The following SLC12A2 variants were observed in gnomAD, a reference collection of about 807,000 sequenced individuals.
SLC12A2 encodes solute carrier family 12 member 2.
SLC12A2 carries 67 observed loss-of-function variants against 136.3 expected under a neutral mutation model. That is an observed-to-expected ratio of 0.49 (90% CI 0.40 to 0.60). The LOEUF (loss-of-function observed/expected upper bound fraction) is 0.60. SLC12A2 is among the 20% of genes least tolerant of loss of function. SLC12A2 has a pLI of 0.00. For synonymous variants in SLC12A2, 619 were observed against 562.9 expected, an observed-to-expected ratio of 1.10 and a Z score of -1.41; for missense variants, 1,322 against 1,534.7, an observed-to-expected ratio of 0.86 and a Z score of 2.32.
Position 128,181,002 on chromosome 5 carries a change from T to C in SLC12A2, c.3212+8T>C. 6.7e-7 allele frequency: 1 copy of C among 1,485,060 alleles called. No homozygotes were observed. The highest frequency in any genetic ancestry group is 9.4e-7 in the Non-Finnish European group (1 of 1,063,398). 92.0% of individuals were successfully genotyped at this position (1,485,060 alleles called of 1,614,324 possible). A position where few individuals can be genotyped will look rare whatever the true frequency, so the allele number is the denominator to read the frequency against. On this transcript the variant is annotated splice_region_variant and intron_variant, in intron 23 of 26. Coordinates refer to ENST00000262461, the MANE Select transcript of SLC12A2 (RefSeq NM_001046.3). ...AGACCATGACCGGAGAGCGTAAGTT[T>C]ATTTCACATTGAAGGGCATGAATCT...
At chr5:128,163,460 C>T (rs1763107201) in intron 17 of SLC12A2, among the ~76,000 whole-genome samples, 1 of 151,980 alleles carries the variant, frequency 6.6e-6, no homozygotes. Context: ...ACCCCTGAGG[C>T]AGAGGTTGCA....
chr5:128,160,756 G>A (rs1359302047), intron 16 of SLC12A2, among the ~76,000 whole-genome samples: 1 of 151,974 alleles, frequency 6.6e-6, no homozygotes, highest in Non-Finnish European at 1.5e-5. Context: ...ATCTTGTCTT[G>A]ATTCTAGAAG....
chr5:128,092,274 A>G (rs1483612956), intron 1 of SLC12A2, among the ~76,000 whole-genome samples: 5 of 152,218 alleles, frequency 3.3e-5, no homozygotes, highest in African/African-American at 9.6e-5. Flanking sequence ...GTAAAAGCCC[A>G]TTATCATCTT....
chr5:128,104,557 G>A lies in SLC12A2; in HGVS notation c.757-8257G>A, dbSNP rs544015556. 3.9e-5 allele frequency among the ~76,000 whole-genome samples: 6 copies of A among 151,920 alleles called. No individual in the cohort carries two copies. The East Asian group carries it at 9.7e-4, about 24-fold the overall frequency. On this transcript the variant is annotated intron_variant, in intron 1 of 26. Transcript: ENST00000262461. ...TGAGGCAGGAGAATCACTTGAACCC[G>A]GGAGGCAGAGGTTGCAGTGAGCCCA...
At chr5:128,108,920 T>A (rs555931678) in intron 1 of SLC12A2, among the ~76,000 whole-genome samples, 1 of 152,222 alleles carries the variant, frequency 6.6e-6, no homozygotes, top group Non-Finnish European at 1.5e-5. Context: ...AGTAAAATAA[T>A]CATTGGTTGA....
Position 128,139,610 on chromosome 5 carries a change from T to A in SLC12A2, c.1621+702T>A, listed in dbSNP as rs556022143. Among the ~76,000 whole-genome samples the A allele has an allele frequency of 3.9e-5, 6 of 152,338 alleles. 1 individual carries two copies. The South Asian group carries it at 1.2e-3, about 32-fold the overall frequency. The stretch of plus-strand genomic sequence containing the variant: ...CATTTGTTTTAGAGAATTGTTTTCA[T>A]GGCAAAGAAGGTTTTTTTGTTGTTT... On this transcript the variant is annotated intron_variant, in intron 9 of 26. Transcript: ENST00000262461.
chr5:128,090,861 CAG>C (rs904246873), intron 1 of SLC12A2, among the ~76,000 whole-genome samples: 41 of 152,224 alleles, frequency 2.7e-4, no homozygotes, highest in African/African-American at 9.6e-4. Context: ...GTGATAAAGT[CAG>C]GGGGTAGTGA....
chr5:128,087,436 G>C (rs188675140), intron 1 of SLC12A2, among the ~76,000 whole-genome samples: 3 of 152,272 alleles, frequency 2.0e-5, no homozygotes, highest in East Asian at 3.9e-4. Context: ...AGATAGAATA[G>C]GACCTAATTT....
chr5:128,098,836 G>A (rs1581056097), intron 1 of SLC12A2, among the ~76,000 whole-genome samples: 1 of 152,118 alleles, frequency 6.6e-6, no homozygotes, highest in East Asian at 1.9e-4. Context: ...AGATTCGGGG[G>A]CTTACCCTTG....
At chr5:128,085,304 C>G (rs925415309) in intron 1 of SLC12A2, among the ~76,000 whole-genome samples, 15 of 149,510 alleles carry the variant, frequency 1.0e-4, no homozygotes, top group African/African-American at 3.7e-4. Context: ...TGGCATAACT[C>G]TTTTTTTTTG....
chr5:128,088,938 G>A (rs773252812), intron 1 of SLC12A2, among the ~76,000 whole-genome samples: 1 of 152,118 alleles, frequency 6.6e-6, no homozygotes, highest in Non-Finnish European at 1.5e-5. Context: ...GGAGGCCGAG[G>A]CGGGTGGATC....
At chr5:128,151,478 C>A in intron 14 of SLC12A2, 82 bp downstream of exon 14, 1 of 1,237,376 alleles carries the variant, frequency 8.1e-7, no homozygotes, top group East Asian at 2.5e-5. Flanking sequence ...TGTTATTTTT[C>A]ATTTTAAGCA....
chr5:128,114,101 A>G (rs142231691), intron 2 of SLC12A2, 111 bp from the exon 3 acceptor site: 21 of 768,012 alleles, frequency 2.7e-5, no homozygotes, highest in African/African-American at 2.1e-4. Flanking sequence ...TTAAAACTAC[A>G]TATCTTCTGT....
chr5:128,119,499 T>A (rs1761474897), intron 4 of SLC12A2, among the ~76,000 whole-genome samples: 2 of 152,180 alleles, frequency 1.3e-5, no homozygotes, highest in South Asian at 4.1e-4. Flanking sequence ...CATTGCTTGT[T>A]TTTCTCAGGT....
At chr5:128,157,457 A>T (rs886401608) in intron 15 of SLC12A2, among the ~76,000 whole-genome samples, 1 of 152,184 alleles carries the variant, frequency 6.6e-6, no homozygotes, top group South Asian at 2.1e-4. Context: ...GATTTTACTC[A>T]TGGGACGACA....
At chr5:128,093,799 A>G (rs1456812566) in intron 1 of SLC12A2, among the ~76,000 whole-genome samples, 1 of 152,130 alleles carries the variant, frequency 6.6e-6, no homozygotes, top group East Asian at 1.9e-4. Flanking sequence ...ATAGCCTTGT[A>G]ACTGGGCTTC....
intron 26 of SLC12A2, among the ~76,000 whole-genome samples, 168 bp from the exon 27 acceptor site, chr5:128,186,328 G>A (rs1170154276): frequency 6.6e-6 from 1 of 152,134 alleles, no homozygotes; most frequent in African/African-American, 2.4e-5. Context: ...CAACACAACT[G>A]TGGTTGTTAT....
chr5:128,121,138 A>G (rs1761559699), intron 4 of SLC12A2, among the ~76,000 whole-genome samples: 1 of 152,178 alleles, frequency 6.6e-6, no homozygotes, highest in Non-Finnish European at 1.5e-5. Flanking sequence ...TTAAACAGAT[A>G]TCAATCTAGA....
intron 22 of SLC12A2, 36 bp downstream of exon 22, chr5:128,178,725 T>TA: frequency 6.8e-7 from 1 of 1,472,644 alleles, no homozygotes; most frequent in Non-Finnish European, 9.1e-7. Flanking sequence ...GATTTTAAAT[T>TA]TACTGACATT....
Sources: allele counts gnomAD v4.1 joint callset (sites outside exome capture counted in the v4.1 genomes callset), GRCh38; gene constraint gnomAD v4.1.1; transcripts MANE v1.5; gene names NCBI Gene and HGNC (gene_info 2026-07-23, HGNC 2026-07-21).